Variants in PRKCH observed in about 807,000 individuals in gnomAD.
PRKCH encodes the protein protein kinase C eta type.
In PRKCH, 28 loss-of-function variants were observed where a neutral mutation model predicts 82.5. The ratio of observed to expected loss-of-function variants is 0.34; its 90% CI spans 0.25 to 0.47. The LOEUF (loss-of-function observed/expected upper bound fraction) is 0.47. Ranked by LOEUF, PRKCH falls within the 20% of genes least tolerant of loss-of-function variation. PRKCH has a pLI of 1.00. For synonymous variants in PRKCH, 322 were observed against 327.4 expected, an observed-to-expected ratio of 0.98 and a Z score of 0.18; for missense variants, 705 against 881.8, an observed-to-expected ratio of 0.80 and a Z score of 2.54.
At chr14:61,487,444 G>T (rs1372283250) in intron 10 of PRKCH, among the ~76,000 whole-genome samples, 1 of 152,158 alleles carries the variant, frequency 6.6e-6, no homozygotes, top group East Asian at 1.9e-4. Flanking sequence ...TTTCTTTCCA[G>T]TGTATGCTTT....
At chr14:61,441,358 T>C (rs1957893) in intron 2 of PRKCH, among the ~76,000 whole-genome samples, 112,062 of 152,104 alleles carry the variant, frequency 0.74, 46,075 homozygotes, top group Non-Finnish European at 0.91. Flanking sequence ...AGAGCCGGTG[T>C]GGTAGGGTCA....
upstream of PRKCH, among the ~76,000 whole-genome samples, chr14:61,320,007 G>A (rs555792446): frequency 6.6e-6 from 1 of 152,300 alleles, no homozygotes; most frequent in East Asian, 1.9e-4. Flanking sequence ...GTTCTGAACA[G>A]GGCCTTAGAG....
At chr14:61,266,244 C>A (rs2045099647) in intron 1 of PRKCH, among the ~76,000 whole-genome samples, 1 of 151,366 alleles carries the variant, frequency 6.6e-6, no homozygotes, top group Non-Finnish European at 1.5e-5. Flanking sequence ...ATGGTGAAAC[C>A]CCGACTCTAC....
chr14:61,436,215 T>C (rs1883671630), intron 2 of PRKCH, among the ~76,000 whole-genome samples: 1 of 152,204 alleles, frequency 6.6e-6, no homozygotes, highest in Admixed American at 6.5e-5. Flanking sequence ...GCGTGGATGC[T>C]ATGAGCCGTA....
rs1263877395 is a variant in PRKCH at position 61,457,373 on chromosome 14, G to GT, written c.1104+54_1104+55insT. 1.7e-5 allele frequency: 27 copies of GT among 1,603,430 alleles called. No individual in the cohort carries two copies. The African/African-American group carries it at 2.8e-4, about 17-fold the overall frequency. Reference sequence around the variant, plus strand: ...GAAGTAAGTGTGCTCTGTGTATGGGGGGTGTGTGTGTGTGTGCACGCATGC... The same window carrying GT: ...GAAGTAAGTGTGCTCTGTGTATGGGGTGGTGTGTGTGTGTGTGCACGCATGC... On this transcript the variant is annotated intron_variant, in intron 8 of 13. Coordinates refer to ENST00000332981, the MANE Select transcript of PRKCH (RefSeq NM_006255.5).
At position 61,529,174 on chromosome 14, in the gene PRKCH, G is replaced by T. The variant is rs113681621; in HGVS notation, c.1533G>T (p.Thr511=). The T allele has an allele frequency of 8.7e-6, 14 of 1,613,688 alleles. No homozygotes were observed. The highest frequency in any genetic ancestry group is 1.2e-5 in the Non-Finnish European group (14 of 1,179,872). Residue 511 remains threonine (T), a synonymous_variant, in exon 11 of 14, where the codon ACG becomes ACT. Coordinates refer to ENST00000332981, the MANE Select transcript of PRKCH (RefSeq NM_006255.5). ...CKEGICNGVT[T]ATFCGTPDYI... ...AGGGGATTTGCAATGGTGTCACCAC[G>T]GCCACATTCTGTGGCACGCCAGACT...
intron 1 of PRKCH, among the ~76,000 whole-genome samples, chr14:61,288,584 A>T (rs2045335555): frequency 6.6e-6 from 1 of 152,180 alleles, no homozygotes; most frequent in Non-Finnish European, 1.5e-5. Flanking sequence ...GTAACTCTGA[A>T]TTCGTAATGG....
At chr14:61,394,343 C>G (rs1311905534) in intron 2 of PRKCH, among the ~76,000 whole-genome samples, 1 of 151,892 alleles carries the variant, frequency 6.6e-6, no homozygotes, top group African/African-American at 2.4e-5. Context: ...TGCTTGGTAT[C>G]TTTTATGTAC....
chr14:61,337,220 T>C (rs1378447977), intron 1 of PRKCH, among the ~76,000 whole-genome samples: 2 of 145,568 alleles, frequency 1.4e-5, no homozygotes, highest in African/African-American at 5.2e-5. Flanking sequence ...CATGACTCAC[T>C]GCAGTCTCAA....
chr14:61,485,825 G>A (rs1337298094), intron 10 of PRKCH, among the ~76,000 whole-genome samples, 169 bp downstream of exon 10: 1 of 152,052 alleles, frequency 6.6e-6, no homozygotes, highest in Non-Finnish European at 1.5e-5. Flanking sequence ...TCCATAGCCC[G>A]GGCTGGAGTG....
intron 9 of PRKCH, among the ~76,000 whole-genome samples, chr14:61,464,555 C>T (rs541410852): frequency 2.6e-5 from 4 of 152,230 alleles, no homozygotes; most frequent in African/African-American, 9.6e-5. Context: ...CTTGCCCTTG[C>T]CCTCCCACCC....
chr14:61,456,911 T>G (rs1884791536), intron 7 of PRKCH: 1 of 355,230 alleles, frequency 2.8e-6, no homozygotes, highest in Non-Finnish European at 5.2e-6. Context: ...GGTGTTTCCA[T>G]GCACTTCCAC....
At chr14:61,390,717 C>G (rs1296989405) in intron 1 of PRKCH, 1 of 152,848 alleles carries the variant, frequency 6.5e-6, no homozygotes, top group Non-Finnish European at 1.5e-5. Context: ...AAACTTCCTT[C>G]CCTAGTGCTT....
intron 2 of PRKCH, among the ~76,000 whole-genome samples, chr14:61,392,124 T>A (rs2046692416): frequency 6.6e-6 from 1 of 152,208 alleles, no homozygotes; most frequent in African/African-American, 2.4e-5. Flanking sequence ...TATCCCATTA[T>A]ATAAATGTAG....
chr14:61,347,641 C>T (rs915033890), intron 1 of PRKCH, among the ~76,000 whole-genome samples: 1 of 152,192 alleles, frequency 6.6e-6, no homozygotes, highest in Non-Finnish European at 1.5e-5. Flanking sequence ...TTAATGTAGG[C>T]CCCTTGGAGC....
intron 2 of PRKCH, among the ~76,000 whole-genome samples, chr14:61,411,694 C>A (rs768251052): frequency 8.5e-5 from 13 of 152,078 alleles, no homozygotes; most frequent in Non-Finnish European, 1.9e-4. Flanking sequence ...AGGATTGGAT[C>A]TGAGAGTCCA....
intron 1 of PRKCH, among the ~76,000 whole-genome samples, chr14:61,377,977 C>G (rs1220432429): frequency 6.6e-6 from 1 of 152,174 alleles, no homozygotes; most frequent in Non-Finnish European, 1.5e-5. Flanking sequence ...GTAGCTCTTT[C>G]TGTGTTTTGC....
intron 1 of PRKCH, among the ~76,000 whole-genome samples, chr14:61,329,559 A>G (rs2045754422): frequency 1.3e-5 from 2 of 152,076 alleles, no homozygotes. Flanking sequence ...TTAAAATGGT[A>G]TAGGATGTTC....
At chr14:61,408,048 T>C (rs1279628120) in intron 2 of PRKCH, among the ~76,000 whole-genome samples, 1 of 152,224 alleles carries the variant, frequency 6.6e-6, no homozygotes, top group Non-Finnish European at 1.5e-5. Context: ...ATTTGTCCCA[T>C]GTGTTTACTG....
Sources: gnomAD v4.1 joint callset for allele counts (sites outside exome capture counted in the v4.1 genomes callset) on GRCh38, gnomAD v4.1.1 for gene constraint, MANE v1.5 for transcripts, NCBI Gene and HGNC (gene_info 2026-07-23, HGNC 2026-07-21) for gene names.